The following RIMBP2 variants were observed in gnomAD, a reference collection of about 807,000 sequenced individuals.
RIMBP2 encodes the protein RIMS-binding protein 2.
In RIMBP2, 48 loss-of-function variants were observed where a neutral mutation model predicts 118.6. The ratio of observed to expected loss-of-function variants is 0.40; its 90% CI spans 0.32 to 0.51. The LOEUF is 0.51. Among genes scored for constraint, RIMBP2 ranks in the 20% least tolerant of loss-of-function variants. RIMBP2 has a pLI of 0.41. For missense variants in RIMBP2, 1,551 were observed against 1,768.3 expected, an observed-to-expected ratio of 0.88 and a Z score of 2.20; for synonymous variants, 762 against 742.9, an observed-to-expected ratio of 1.03 and a Z score of -0.42.
chr12:130,480,605 A>G (rs1233805481), intron 4 of RIMBP2, among the ~76,000 whole-genome samples: 1 of 151,882 alleles, frequency 6.6e-6, no homozygotes, highest in African/African-American at 2.4e-5. Flanking sequence ...ATTTTTATTT[A>G]TTTTTATTTT....
chr12:130,505,468 C>T (rs1432126179), intron 4 of RIMBP2, among the ~76,000 whole-genome samples: 2 of 120,322 alleles, frequency 1.7e-5, no homozygotes, highest in Non-Finnish European at 3.5e-5. Context: ...CATCCCCATC[C>T]CCCCCATCCC....
chr12:130,547,304 T>A (rs2055274627), intron 2 of RIMBP2, among the ~76,000 whole-genome samples: 1 of 152,222 alleles, frequency 6.6e-6, no homozygotes. Flanking sequence ...CTTAGTGTAG[T>A]TGGTTTCCTG....
At chr12:130,564,763 T>A (rs1278685133) in intron 2 of RIMBP2, among the ~76,000 whole-genome samples, 2 of 152,164 alleles carry the variant, frequency 1.3e-5, no homozygotes, top group Non-Finnish European at 2.9e-5. Context: ...GGGGTTCAAG[T>A]TCACTGATAT....
intron 6 of RIMBP2, among the ~76,000 whole-genome samples, chr12:130,458,926 C>T (rs1423970203): frequency 6.6e-6 from 1 of 151,750 alleles, no homozygotes; most frequent in Non-Finnish European, 1.5e-5. Flanking sequence ...CGCCTGTAGT[C>T]CCAGCTATTT....
intron 2 of RIMBP2, among the ~76,000 whole-genome samples, chr12:130,531,114 A>G (rs1428743406): frequency 1.3e-5 from 2 of 152,226 alleles, no homozygotes; most frequent in African/African-American, 4.8e-5. Context: ...TCATCAAGTG[A>G]TATATCTATG....
At chr12:130,418,253 G>A (rs1470831695) in intron 17 of RIMBP2, among the ~76,000 whole-genome samples, 1 of 152,292 alleles carries the variant, frequency 6.6e-6, no homozygotes, top group African/African-American at 2.4e-5. Flanking sequence ...TTTCTGCCAG[G>A]GAACAAACCT....
Position 130,438,351 on chromosome 12 carries a change from C to CCCCCCCCA in RIMBP2, c.1656+13_1656+14insTGGGGGGG. On this transcript the variant is annotated intron_variant, in intron 12 of 22. Transcript: ENST00000690449. ...GCCTAACAAACCCTCCCCACCCACC[C>CCCCCCCCA]AACGAAAACTCACCCTCTGCCCTTT... 3.1e-6 allele frequency: 5 copies of CCCCCCCCA among 1,589,916 alleles called. No homozygotes were observed. The highest frequency in any genetic ancestry group is 2.2e-5 in the South Asian group (2 of 90,682).
rs558842372 is a variant in RIMBP2 at position 130,590,213 on chromosome 12, C to T, written c.-217+38109G>A. Among the ~76,000 whole-genome samples, 7 of 152,292 alleles carry T rather than the reference C, an allele frequency of 4.6e-5. No individual in the cohort carries two copies. In the East Asian group the frequency reaches 1.3e-3, roughly 29 times the overall value. ...TCCCCAATGAGGGCTCTCAGCACAG[C>T]ACTGGACATGAAGGAAGCAGAAATC... On this transcript the variant is annotated intron_variant, in intron 2 of 22. Coordinates refer to ENST00000690449, the MANE Select transcript of RIMBP2 (RefSeq NM_001393629.1).
chr12:130,651,714 G>T (rs2063239053), intron 1 of RIMBP2, among the ~76,000 whole-genome samples: 1 of 152,194 alleles, frequency 6.6e-6, no homozygotes, highest in Non-Finnish European at 1.5e-5. Flanking sequence ...TTAAGTTAAA[G>T]ATTTCTAGTG....
At chr12:130,630,282 GTTA>G (rs1375387395) in intron 1 of RIMBP2, among the ~76,000 whole-genome samples, 3 of 151,426 alleles carry the variant, frequency 2.0e-5, no homozygotes, top group Non-Finnish European at 4.4e-5. Flanking sequence ...TACAGAAAGA[GTTA>G]TTGTCAAGTT....
At chr12:130,570,053 G>A (rs1427569625) in intron 2 of RIMBP2, among the ~76,000 whole-genome samples, 1 of 152,054 alleles carries the variant, frequency 6.6e-6, no homozygotes, top group Non-Finnish European at 1.5e-5. Context: ...GATTATTTCC[G>A]AAATACCAAA....
Position 130,475,824 on chromosome 12 carries a change from AAGG to A in RIMBP2, c.102+3085_102+3087del, listed in dbSNP as rs1305394757. ...GGAGATGCTGCCGTTTACGGAGCTCAAGGAGTTCAGCAGAAGTGCAGGTGTTGG... is the reference window on the plus strand; with the variant it reads ...GGAGATGCTGCCGTTTACGGAGCTCAAGTTCAGCAGAAGTGCAGGTGTTGG... On this transcript the variant is annotated intron_variant, in intron 5 of 22. Coordinates refer to ENST00000690449, the MANE Select transcript of RIMBP2 (RefSeq NM_001393629.1). The surrounding 1 kb of genome is among the most constrained non-coding windows in gnomAD (Gnocchi z 4.1). Among the ~76,000 whole-genome samples, 1 of 152,102 alleles carries A rather than the reference AAGG, an allele frequency of 6.6e-6. No individual in the cohort carries two copies. Among genetic ancestry groups the A allele is most frequent in the Non-Finnish European group, 1.5e-5 (1 of 68,024 alleles).
At chr12:130,521,864 G>C (rs1438910994) in intron 2 of RIMBP2, among the ~76,000 whole-genome samples, 2 of 152,208 alleles carry the variant, frequency 1.3e-5, no homozygotes, top group Non-Finnish European at 2.9e-5. Flanking sequence ...GCATTGCAAT[G>C]GAATCGTTTC....
At chr12:130,713,689 G>C (rs1215161276) in intron 1 of RIMBP2, among the ~76,000 whole-genome samples, 1 of 152,128 alleles carries the variant, frequency 6.6e-6, no homozygotes, top group Non-Finnish European at 1.5e-5. Flanking sequence ...ACGTTCAGCC[G>C]GCAAGTCTCC....
chr12:130,608,841 A>G (rs1368630842), intron 2 of RIMBP2, among the ~76,000 whole-genome samples: 2 of 152,172 alleles, frequency 1.3e-5, no homozygotes, highest in African/African-American at 4.8e-5. Flanking sequence ...ATACATCGTC[A>G]TTAACTATGG....
intron 2 of RIMBP2, among the ~76,000 whole-genome samples, chr12:130,566,107 C>T (rs2057196389): frequency 6.6e-6 from 1 of 152,092 alleles, no homozygotes. Flanking sequence ...AGCCCATAGG[C>T]TGAATTCATT....
intron 1 of RIMBP2, among the ~76,000 whole-genome samples, chr12:130,662,239 C>G (rs2063695174): frequency 6.6e-6 from 1 of 152,188 alleles, no homozygotes; most frequent in South Asian, 2.1e-4. Context: ...TGGGGCAATT[C>G]TCGCCAATGT....
chr12:130,439,297 G>C (rs947962106), intron 11 of RIMBP2, among the ~76,000 whole-genome samples: 1 of 150,198 alleles, frequency 6.7e-6, no homozygotes. Context: ...GTATATGTGG[G>C]TGTGTGTGTG....
At chr12:130,421,249 C>T (rs924650331) in intron 17 of RIMBP2, among the ~76,000 whole-genome samples, 3 of 152,242 alleles carry the variant, frequency 2.0e-5, no homozygotes. Context: ...ATCTGGGCTC[C>T]ACTAACCCTG....
Sources: allele counts gnomAD v4.1 joint callset (sites outside exome capture counted in the v4.1 genomes callset), GRCh38; gene constraint gnomAD v4.1.1; non-coding constraint Gnocchi (gnomAD v3.1); transcripts MANE v1.5; gene names NCBI Gene and HGNC (gene_info 2026-07-23, HGNC 2026-07-21).